ATRIP: variants seen among roughly 807,000 people sequenced by gnomAD.
ATRIP encodes the protein ATR-interacting protein.
A neutral mutation model predicts 78.1 loss-of-function variants in ATRIP; 44 were observed. That is an observed-to-expected ratio of 0.56 (90% confidence interval 0.44 to 0.72). ATRIP has a LOEUF of 0.72. ATRIP is among the 30% of genes least tolerant of loss of function. The pLI is 0.00. For missense variants in ATRIP, 927 were observed against 980.2 expected (o/e 0.95, Z 0.72); for synonymous variants, 388 against 408.9 (o/e 0.95, Z 0.62).
At chr3:48,457,492 C>A in intron 5 of ATRIP, 76 bp downstream of exon 5, 1 of 1,179,132 alleles carries the variant, frequency 8.5e-7, no homozygotes, top group Admixed American at 3.8e-5. Context: ...TATTTATTTT[C>A]TCCCAATTTC....
In ATRIP at chr3:48,460,153, G is replaced by A. The variant is rs368490195; in HGVS notation, c.1099G>A (p.Asp367Asn). 1.2e-6 allele frequency: 2 copies of A among 1,613,804 alleles called. No individual in the cohort carries two copies. Among genetic ancestry groups the A allele is most frequent in the South Asian group, 2.2e-5 (2 of 91,066 alleles). The change falls in exon 8 of 13, where the codon GAT becomes AAT. Residue 367 changes from aspartate to asparagine, a missense_variant. Coordinates refer to ENST00000320211, the MANE Select transcript of ATRIP (RefSeq NM_130384.3). ...AGGCCTCAGGACCACAGGTTCTTATGATGGGTCATTTTCCCTCTCAGCCCT... is the reference window on the plus strand; with the variant it reads ...AGGCCTCAGGACCACAGGTTCTTATAATGGGTCATTTTCCCTCTCAGCCCT... ...MSGLRTTGSYDGSFSLSALRE... is the reference protein window; with the variant it reads ...MSGLRTTGSYNGSFSLSALRE...
chr3:48,446,829 T>C lies in ATRIP; in HGVS notation c.-17T>C. On this transcript the variant is annotated 5_prime_UTR_variant, in exon 1 of 13. Transcript: ENST00000320211. ...GTCTAGCTCGGCGCTGTCGGATACTTGGGGTGAGCGGAAAGCATGGCGGGG... is the reference window on the plus strand; with the variant it reads ...GTCTAGCTCGGCGCTGTCGGATACTCGGGGTGAGCGGAAAGCATGGCGGGG... 4 of 1,395,688 alleles carry C rather than the reference T, an allele frequency of 2.9e-6. No individual in the cohort carries two copies. Among genetic ancestry groups the C allele is most frequent in the Non-Finnish European group, 3.7e-6 (4 of 1,075,164 alleles). 86.5% of individuals were successfully genotyped at this position (1,395,688 alleles called of 1,614,324 possible).
rs200647747 is a variant in ATRIP, at chr3:48,446,976, A to C, written c.131A>C (p.Asp44Ala). 3.6e-5 allele frequency: 56 copies of C among 1,566,632 alleles called. No homozygotes were observed. The African/African-American group carries it at 7.6e-4, about 21-fold the overall frequency. The change falls in exon 1 of 13, where the codon GAC becomes GCC. Residue 44 changes from aspartate to alanine, a missense_variant. Asp to Ala is a moderately radical substitution (Grantham distance 126, BLOSUM62 -2). Coordinates refer to ENST00000320211, the MANE Select transcript of ATRIP (RefSeq NM_130384.3). The stretch of plus-strand genomic sequence containing the variant: ...GGCTTCTCCGCAGCCGCTGCCCCGG[A>C]CCCTGACGACCCGTTCGGCGCGCAT... ...ARGFSAAAAP[D>A]PDDPFGAHGD... is the part of the protein sequence containing the mutation.
intron 3 of ATRIP, among the ~76,000 whole-genome samples, chr3:48,453,081 G>A (rs1483307304): frequency 6.6e-6 from 1 of 151,886 alleles, no homozygotes; most frequent in Non-Finnish European, 1.5e-5. Context: ...ACAGGGTTTT[G>A]CTGTATTCTC....
Position 48,446,806 on chromosome 3 carries a change from C to T in ATRIP, c.-40C>T. ...TTCTCCGGCCTGGCGGCAGGCAAGT[C>T]TAGCTCGGCGCTGTCGGATACTTGG... On this transcript the variant is annotated 5_prime_UTR_variant, in exon 1 of 13. Coordinates refer to ENST00000320211, the MANE Select transcript of ATRIP (RefSeq NM_130384.3). The T allele has an allele frequency of 7.3e-7, 1 of 1,375,566 alleles. No homozygotes were observed. The highest frequency in any genetic ancestry group is 9.4e-7 in the Non-Finnish European group (1 of 1,063,424). The allele number at this position is 1,375,566 out of a possible 1,614,324, so 85.2% of individuals were successfully genotyped here.
At chr3:48,456,600 C>CAA (rs1206195014) in intron 4 of ATRIP, among the ~76,000 whole-genome samples, 16 of 66,272 alleles carry the variant, frequency 2.4e-4, no homozygotes, top group Admixed American at 5.3e-4. Context: ...CCTGTCTCAC[C>CAA]AAAAAAAAAA....
chr3:48,467,153 C>G lies in ATRIP; in HGVS notation c.*1599C>G. On this transcript the variant is annotated 3_prime_UTR_variant, in exon 13 of 13. Transcript: ENST00000320211. ...CGCTGAAGGCCCTGGAGCGAGCAAG[C>G]AGCCCCTCAGAACACGGCCCAAGGA... The G allele has an allele frequency of 6.2e-7, 1 of 1,614,030 alleles. No individual in the cohort carries two copies. The highest frequency in any genetic ancestry group is 8.5e-7 in the Non-Finnish European group (1 of 1,180,022).
intron 1 of ATRIP, 105 bp downstream of exon 1, chr3:48,447,197 C>T (rs1402904757): frequency 7.7e-7 from 1 of 1,296,402 alleles, no homozygotes; most frequent in South Asian, 2.4e-5. Context: ...GCCTTTTCGC[C>T]TTTTTAAAAT....
chr3:48,456,783 A>G (rs2039966295), intron 4 of ATRIP, among the ~76,000 whole-genome samples: 1 of 152,150 alleles, frequency 6.6e-6, no homozygotes, highest in African/African-American at 2.4e-5. Flanking sequence ...TCAAAAAAAA[A>G]TGTTTTGGTG....
intron 4 of ATRIP, among the ~76,000 whole-genome samples, chr3:48,455,118 C>T (rs1313244452): frequency 6.6e-6 from 1 of 152,166 alleles, no homozygotes; most frequent in African/African-American, 2.4e-5. Flanking sequence ...CAGCCTGGGC[C>T]TCCCAAACTA....
Position 48,465,053 on chromosome 3 carries a change from CGAGG to C in ATRIP, c.2280_2283del (p.Gly761PhefsTer4). The C allele has an allele frequency of 6.2e-7, 1 of 1,612,868 alleles. No individual in the cohort carries two copies. The highest frequency in any genetic ancestry group is 1.1e-5 in the South Asian group (1 of 91,052). ...GATGCCGGGGGTCAGCATGCTCATC[CGAGG>C]GCTTCCTGATGTGACGGACTGTGAA... is the stretch of plus-strand genomic sequence containing the variant. On this transcript the variant is annotated frameshift_variant, in exon 12 of 13. Coordinates refer to ENST00000320211, the MANE Select transcript of ATRIP (RefSeq NM_130384.3). LOFTEE classifies it high-confidence loss of function.
chr3:48,452,097 T>C (rs2039850582), intron 3 of ATRIP, among the ~76,000 whole-genome samples, 198 bp downstream of exon 3: 1 of 152,262 alleles, frequency 6.6e-6, no homozygotes, highest in Non-Finnish European at 1.5e-5. Context: ...TCTATTTTGC[T>C]GTGGTAGTTG....
In ATRIP at chr3:48,466,740, C is replaced by T. The variant is rs1407557314; in HGVS notation, c.*1186C>T. 2.5e-6 allele frequency: 4 copies of T among 1,614,046 alleles called. No homozygotes were observed. On this transcript the variant is annotated 3_prime_UTR_variant, in exon 13 of 13. Coordinates refer to ENST00000320211, the MANE Select transcript of ATRIP (RefSeq NM_130384.3). ...GGCCACTGGCTTGCCCTTCTCCCAGCCCAAGGTCACGGAGCTGTGCCTGCT... is the reference window on the plus strand; with the variant it reads ...GGCCACTGGCTTGCCCTTCTCCCAGTCCAAGGTCACGGAGCTGTGCCTGCT...
At chr3:48,450,623 G>A in intron 2 of ATRIP, 2 of 1,042,750 alleles carry the variant, frequency 1.9e-6, no homozygotes, top group South Asian at 2.9e-5. Flanking sequence ...GATGGAGTCT[G>A]TCATCCAGGC....
At chr3:48,455,786 C>T (rs2107210230) in intron 4 of ATRIP, among the ~76,000 whole-genome samples, 1 of 152,094 alleles carries the variant, frequency 6.6e-6, no homozygotes, top group Non-Finnish European at 1.5e-5. Flanking sequence ...GGGTGAGCCA[C>T]TGTGCCCAGC....
In ATRIP at chr3:48,463,848, G is replaced by T; in HGVS notation, c.1849G>T (p.Asp617Tyr). 5.0e-6 allele frequency: 8 copies of T among 1,614,096 alleles called. No homozygotes were observed. The highest frequency in any genetic ancestry group is 6.8e-6 in the Non-Finnish European group (8 of 1,180,026). Reference sequence around the variant, plus strand: ...GCTCCTCTCCCTGCTGGCGGACCACGACCAGCTGGCACCTCAGCTCTGTTC... The same window carrying T: ...GCTCCTCTCCCTGCTGGCGGACCACTACCAGCTGGCACCTCAGCTCTGTTC... ...VELLSLLADH[D>Y]QLAPQLCSHS... is the part of the protein sequence containing the mutation. The change falls in exon 9 of 13, where the codon GAC (aspartate) becomes TAC (tyrosine). Residue 617 changes from aspartate to tyrosine, a missense_variant. Coordinates refer to ENST00000320211, the MANE Select transcript of ATRIP (RefSeq NM_130384.3).
At chr3:48,461,673 G>A (rs1285912638) in intron 8 of ATRIP, among the ~76,000 whole-genome samples, 1 of 151,632 alleles carries the variant, frequency 6.6e-6, no homozygotes, top group Non-Finnish European at 1.5e-5. Flanking sequence ...AGCTCATAGT[G>A]GCTGTTTTTT....
chr3:48,463,855 T>G lies in ATRIP; in HGVS notation c.1856T>G (p.Leu619Arg). Residue 619 changes from leucine (L) to arginine (R), a missense_variant, in exon 9 of 13, where the codon CTG (leucine) becomes CGG (arginine). Transcript: ENST00000320211. The stretch of plus-strand genomic sequence containing the variant: ...TCCCTGCTGGCGGACCACGACCAGC[T>G]GGCACCTCAGCTCTGTTCCCACTCA... ...LLSLLADHDQ[L>R]APQLCSHSEG... 1 of 1,614,088 alleles carries G rather than the reference T, an allele frequency of 6.2e-7. No individual in the cohort carries two copies. The highest frequency in any genetic ancestry group is 1.1e-5 in the South Asian group (1 of 91,076).
chr3:48,464,646 G>C lies in ATRIP; in HGVS notation c.2039G>C (p.Cys680Ser), dbSNP rs764394888. The change falls in exon 11 of 13, where the codon TGC (cysteine) becomes TCC (serine). Residue 680 changes from cysteine to serine, a missense_variant. Cys to Ser is a moderately radical substitution (Grantham distance 112, BLOSUM62 -1). Transcript: ENST00000320211. ...TTGCCCCCAGTCACTGGCTCCAACT[G>C]CCAGTGTAATGTGGAGGTGAGTGGG... ...SPLPPVTGSN[C>S]QCNVEVVRAL... is the part of the protein sequence containing the mutation. The C allele has an allele frequency of 4.3e-6, 7 of 1,614,084 alleles. No homozygotes were observed. The highest frequency in any genetic ancestry group is 8.5e-7 in the Non-Finnish European group (1 of 1,180,032).
Sources: allele counts gnomAD v4.1 joint callset (sites outside exome capture counted in the v4.1 genomes callset), GRCh38; gene constraint gnomAD v4.1.1; transcripts MANE v1.5; gene names NCBI Gene and HGNC (gene_info 2026-07-23, HGNC 2026-07-21).